The following NFATC2 variants were observed in gnomAD, a reference collection of about 807,000 sequenced individuals.
NFATC2 encodes the protein nuclear factor of activated T cells 2, also known as nuclear factor of activated T-cells, cytoplasmic 2.
In NFATC2, 22 loss-of-function variants were observed where a neutral mutation model predicts 87.3. That is an observed-to-expected ratio of 0.25 (90% CI 0.18 to 0.36). NFATC2 has a LOEUF of 0.36. NFATC2 is among the 10% of genes least tolerant of loss of function. NFATC2 has a pLI of 1.00. For missense variants in NFATC2, 1,149 were observed against 1,259.1 expected, an observed-to-expected ratio of 0.91 and a Z score of 1.32; for synonymous variants, 565 against 542.2, an observed-to-expected ratio of 1.04 and a Z score of -0.58.
chr20:51,535,043 T>C (rs2076697142), intron 1 of NFATC2, among the ~76,000 whole-genome samples: 1 of 152,186 alleles, frequency 6.6e-6, no homozygotes. Flanking sequence ...ATTAAACTCG[T>C]GATTTAGCAA....
chr20:51,538,068 G>A (rs1387914629), intron 1 of NFATC2, among the ~76,000 whole-genome samples: 2 of 152,220 alleles, frequency 1.3e-5, no homozygotes, highest in Non-Finnish European at 2.9e-5. Context: ...CAGCTTTAGA[G>A]ACCAGGGAGT....
At chr20:51,440,280 T>TA (rs997127106) in intron 6 of NFATC2, among the ~76,000 whole-genome samples, 1 of 148,426 alleles carries the variant, frequency 6.7e-6, no homozygotes, top group Non-Finnish European at 1.5e-5. Context: ...AGATACCTGT[T>TA]ACGATTATGG....
chr20:51,440,720 C>T (rs1010717297), intron 6 of NFATC2, among the ~76,000 whole-genome samples: 9 of 152,216 alleles, frequency 5.9e-5, no homozygotes, highest in Admixed American at 1.3e-4. Flanking sequence ...GGTCTGCACT[C>T]GGTTCTGGAC....
chr20:51,467,954 G>A (rs1987846986), intron 5 of NFATC2, among the ~76,000 whole-genome samples: 1 of 152,180 alleles, frequency 6.6e-6, no homozygotes, highest in African/African-American at 2.4e-5. Context: ...TTATATTCAT[G>A]CAATTGAATA....
chr20:51,514,466 A>G (rs1421968859), intron 3 of NFATC2, among the ~76,000 whole-genome samples: 1 of 152,252 alleles, frequency 6.6e-6, no homozygotes, highest in Non-Finnish European at 1.5e-5. Flanking sequence ...TCTTTTAAAC[A>G]AAGCTCATGG....
chr20:51,458,422 C>T (rs1348070039), intron 5 of NFATC2, among the ~76,000 whole-genome samples: 1 of 151,966 alleles, frequency 6.6e-6, no homozygotes, highest in African/African-American at 2.4e-5. Context: ...AAAATCATCC[C>T]TGGTTGAGAA....
intron 9 of NFATC2, among the ~76,000 whole-genome samples, chr20:51,411,051 G>A (rs924167282): frequency 1.3e-5 from 2 of 152,140 alleles, no homozygotes; most frequent in African/African-American, 4.8e-5. Flanking sequence ...TATTTACTCT[G>A]TGCCAGGCCT....
Position 51,539,156 on chromosome 20 carries a change from G to A in NFATC2, c.130+3214C>T, listed in dbSNP as rs562715453. On this transcript the variant is annotated intron_variant, in intron 1 of 10. Transcript: ENST00000371564. ...TGCTACATGCTAAACTCCATAAAATGAGCATCCGACCTCCCCAAAATTCCC... is the reference window on the plus strand; with the variant it reads ...TGCTACATGCTAAACTCCATAAAATAAGCATCCGACCTCCCCAAAATTCCC... 6.6e-5 allele frequency among the ~76,000 whole-genome samples: 10 copies of A among 152,262 alleles called. No homozygotes were observed. In the South Asian group the frequency reaches 1.7e-3, roughly 25 times the overall value.
chr20:51,428,265 G>A (rs1040316626), intron 9 of NFATC2, among the ~76,000 whole-genome samples: 2 of 152,172 alleles, frequency 1.3e-5, no homozygotes, highest in African/African-American at 4.8e-5. Context: ...TCACGGAAGG[G>A]GGATGACAGC....
chr20:51,429,469 G>T (rs1982358114), intron 9 of NFATC2, among the ~76,000 whole-genome samples: 1 of 152,230 alleles, frequency 6.6e-6, no homozygotes, highest in East Asian at 1.9e-4. Context: ...ATGGCACAGG[G>T]GACAGGGCAG....
chr20:51,410,550 G>A (rs928649227), intron 9 of NFATC2, among the ~76,000 whole-genome samples: 5 of 145,382 alleles, frequency 3.4e-5, no homozygotes, highest in African/African-American at 1.2e-4. Context: ...AAGGAAGAGA[G>A]GGAGAGAAAG....
chr20:51,516,397 T>C (rs750481747), intron 3 of NFATC2, among the ~76,000 whole-genome samples: 7 of 152,242 alleles, frequency 4.6e-5, no homozygotes, highest in Non-Finnish European at 7.3e-5. Context: ...TAATTTTTCT[T>C]ACTTTTCTAT....
intron 2 of NFATC2, among the ~76,000 whole-genome samples, chr20:51,517,609 C>G (rs1166679451): frequency 6.7e-6 from 1 of 150,280 alleles, no homozygotes; most frequent in Non-Finnish European, 1.5e-5. Flanking sequence ...AAAAAAGAAA[C>G]AAAACAAAAC....
intron 9 of NFATC2, among the ~76,000 whole-genome samples, chr20:51,409,114 C>T (rs990936445): frequency 6.6e-6 from 1 of 152,204 alleles, no homozygotes; most frequent in Non-Finnish European, 1.5e-5. Context: ...CAATGAATTA[C>T]ATATGTGTTG....
rs145056037 is a variant in NFATC2, at chr20:51,488,917, A to G, written c.1333-13257T>C. Among the ~76,000 whole-genome samples, 870 of 152,344 alleles carry G rather than the reference A, an allele frequency of 5.7e-3. 8 individuals carry two copies. Among genetic ancestry groups the G allele is most frequent in the African/African-American group, 0.02 (812 of 41,570 alleles). ...AAAGAATTACATTCAAGCTGGGCGC[A>G]GTGGCTCATGCCTGTAATCCCAGCA... On this transcript the variant is annotated intron_variant, in intron 3 of 10. Coordinates refer to ENST00000371564, the MANE Select transcript of NFATC2 (RefSeq NM_012340.5).
intron 6 of NFATC2, among the ~76,000 whole-genome samples, chr20:51,446,785 T>C (rs1026779733): frequency 6.6e-6 from 1 of 152,220 alleles, no homozygotes; most frequent in African/African-American, 2.4e-5. Flanking sequence ...CAGCTTCGTG[T>C]CCCAGCAAAG....
intron 3 of NFATC2, among the ~76,000 whole-genome samples, chr20:51,488,707 C>G (rs1349863259): frequency 6.6e-6 from 1 of 152,186 alleles, no homozygotes; most frequent in East Asian, 1.9e-4. Context: ...TCTCATCAAC[C>G]TCCCTGGGTC....
At chr20:51,457,328 G>GTCATCGCT (rs1555880860) in intron 5 of NFATC2, among the ~76,000 whole-genome samples, 1 of 152,234 alleles carries the variant, frequency 6.6e-6, no homozygotes, top group African/African-American at 2.4e-5. Flanking sequence ...GAAAGCCTGA[G>GTCATCGCT]TCATCGCTAC....
intron 3 of NFATC2, among the ~76,000 whole-genome samples, chr20:51,481,273 C>T (rs1989230470): frequency 6.6e-6 from 1 of 152,144 alleles, no homozygotes; most frequent in South Asian, 2.1e-4. Context: ...ATGACATGAT[C>T]TACCCTTCAG....
Sources: gnomAD v4.1 joint callset for allele counts (sites outside exome capture counted in the v4.1 genomes callset) on GRCh38, gnomAD v4.1.1 for gene constraint, MANE v1.5 for transcripts, NCBI Gene and HGNC (gene_info 2026-07-23, HGNC 2026-07-21) for gene names.